The following AHCY variants were observed in gnomAD, a reference collection of about 807,000 sequenced individuals.
The protein encoded by AHCY is S-adenosyl-L-homocysteine hydrolase.
In AHCY, 24 loss-of-function variants were observed where a neutral mutation model predicts 45.4. The ratio of observed to expected loss-of-function variants is 0.53; its 90% confidence interval spans 0.38 to 0.74. The LOEUF is 0.74. Among genes scored for constraint, AHCY ranks in the 30% least tolerant of loss-of-function variants. AHCY has a pLI of 0.00. For synonymous variants in AHCY, 245 were observed against 235.1 expected (o/e 1.04, Z -0.39); for missense variants, 449 against 594.1 (o/e 0.76, Z 2.54).
At chr20:34,245,347 AAAAG>A in the AHCY span, among the ~76,000 whole-genome samples, 1 of 151,294 alleles carries the variant, frequency 6.6e-6, no homozygotes, top group Admixed American at 6.6e-5. Flanking sequence ...AAAAAAAAAA[AAAAG>A]AGAGAGAGAC....
the AHCY span, among the ~76,000 whole-genome samples, chr20:34,255,304 C>T: frequency 6.6e-6 from 1 of 152,124 alleles, no homozygotes; most frequent in Admixed American, 6.5e-5. Flanking sequence ...CTTAATCTTC[C>T]CCAAACTCCT....
chr20:34,262,086 C>T, the AHCY span, among the ~76,000 whole-genome samples: 4 of 151,758 alleles, frequency 2.6e-5, no homozygotes, highest in Non-Finnish European at 4.4e-5. Flanking sequence ...GTACTCCAGC[C>T]TGGGCAACAG....
chr20:34,262,507 C>T, the AHCY span, among the ~76,000 whole-genome samples: 1 of 152,190 alleles, frequency 6.6e-6, no homozygotes, highest in Non-Finnish European at 1.5e-5. Flanking sequence ...AAGGAAGGGG[C>T]ACCTGGGGTG....
chr20:34,279,622 T>C (rs1369318541), downstream of AHCY, among the ~76,000 whole-genome samples: 1 of 152,120 alleles, frequency 6.6e-6, no homozygotes, highest in Non-Finnish European at 1.5e-5. Context: ...ACGTAACTTA[T>C]GCAACTTAAA....
upstream of AHCY, among the ~76,000 whole-genome samples, chr20:34,308,134 C>T (rs758257208): frequency 1.3e-5 from 2 of 152,162 alleles, no homozygotes; most frequent in African/African-American, 2.4e-5. Flanking sequence ...TGATCTTGTT[C>T]TTTTTTATGC....
the AHCY span, among the ~76,000 whole-genome samples, chr20:34,264,735 G>A: frequency 1.3e-5 from 2 of 149,642 alleles, no homozygotes; most frequent in Non-Finnish European, 3.0e-5. Context: ...TCTTATAATC[G>A]ATCTCTACTT....
chr20:34,268,718 A>G, the AHCY span, among the ~76,000 whole-genome samples: 1 of 151,658 alleles, frequency 6.6e-6, no homozygotes, highest in African/African-American at 2.4e-5. Flanking sequence ...TGGCTGACAG[A>G]GTGAAACCCT....
In AHCY at chr20:34,280,881, T is replaced by A; in HGVS notation, c.*153A>T. On this transcript the variant is annotated 3_prime_UTR_variant, in exon 10 of 10. Transcript: ENST00000217426. ...GCCACATTTGGAACAGTATGACGGC[T>A]GCAGCAGAGGCCAAAAACTAAGTGA... 1.7e-6 allele frequency: 2 copies of A among 1,181,522 alleles called. No homozygotes were observed. Among genetic ancestry groups the A allele is most frequent in the Non-Finnish European group, 2.4e-6 (2 of 829,356 alleles). The allele number at this position is 1,181,522 out of a possible 1,614,324, so 73.2% of individuals were successfully genotyped here. A position where few individuals can be genotyped will look rare whatever the true frequency, so the allele number is the denominator to read the frequency against.
In AHCY at chr20:34,295,457, A is replaced by G. The variant is rs1414682584; in HGVS notation, c.157T>C (p.Cys53Arg). 6.2e-7 allele frequency: 1 copy of G among 1,614,188 alleles called. No homozygotes were observed. Among genetic ancestry groups the G allele is most frequent in the Non-Finnish European group, 8.5e-7 (1 of 1,180,044 alleles). ...GCCGTCTCCACGGTCATGTGCAGGC[A>G]GCCAGCGATGCGGGCGCCCTTCAGT... The part of the protein sequence containing the change: ...KPLKGARIAG[C>R]LHMTVETAVL... The change falls in exon 2 of 10, where the codon TGC (cysteine) becomes CGC (arginine). Residue 53 changes from cysteine (C) to arginine (R), a missense_variant. Transcript: ENST00000217426.
chr20:34,243,214 T>C, the AHCY span, among the ~76,000 whole-genome samples: 9 of 152,208 alleles, frequency 5.9e-5, no homozygotes, highest in Non-Finnish European at 1.2e-4. Context: ...TCAAGTCTTC[T>C]CTCAAGTTCT....
the AHCY span, among the ~76,000 whole-genome samples, chr20:34,247,491 G>A: frequency 6.6e-6 from 1 of 151,574 alleles, no homozygotes; most frequent in African/African-American, 2.4e-5. Context: ...GTAGAGACGA[G>A]GTTTCATCAT....
chr20:34,295,283 G>T, intron 2 of AHCY, 112 bp downstream of exon 2: 2 of 1,319,076 alleles, frequency 1.5e-6, no homozygotes, highest in Non-Finnish European at 2.1e-6. Flanking sequence ...ACCCCTCCAG[G>T]CCCGCGGTCA....
the AHCY span, among the ~76,000 whole-genome samples, chr20:34,243,938 G>A: frequency 1.3e-5 from 2 of 152,058 alleles, no homozygotes; most frequent in East Asian, 1.9e-4. Flanking sequence ...GGTGGCGGGC[G>A]CCTGTAGTCC....
At chr20:34,236,267 C>T in the AHCY span, among the ~76,000 whole-genome samples, 2 of 152,190 alleles carry the variant, frequency 1.3e-5, no homozygotes. Context: ...TGGCTGGGCG[C>T]AGTGGCTCAC....
chr20:34,307,221 T>C (rs2036904840), upstream of AHCY, among the ~76,000 whole-genome samples: 1 of 151,834 alleles, frequency 6.6e-6, no homozygotes, highest in Non-Finnish European at 1.5e-5. Flanking sequence ...CCTGAGTAGC[T>C]GGGATTACAG....
chr20:34,290,533 C>T lies in AHCY; in HGVS notation c.854+18G>A, dbSNP rs376666148. On this transcript the variant is annotated intron_variant, in intron 7 of 9. Transcript: ENST00000217426. This position sits in a 1 kb window ranked among gnomAD's most constrained non-coding sequence, Gnocchi z 4.5. ...GCCCTCCTCCCTCACTCCCCGGGAC[C>T]CCCCATCTGGCACCTACCGGCCAAG... 4.5e-5 allele frequency: 73 copies of T among 1,613,918 alleles called. No individual in the cohort carries two copies. Among genetic ancestry groups the T allele is most frequent in the Non-Finnish European group, 6.1e-5 (72 of 1,179,930 alleles).
At chr20:34,233,368 T>C in the AHCY span, among the ~76,000 whole-genome samples, 7 of 152,036 alleles carry the variant, frequency 4.6e-5, no homozygotes, top group East Asian at 1.4e-3. Context: ...AGGATGGTCT[T>C]GATCTCCTGA....
chr20:34,263,382 T>C, the AHCY span, among the ~76,000 whole-genome samples: 1 of 152,082 alleles, frequency 6.6e-6, no homozygotes, highest in Non-Finnish European at 1.5e-5. Context: ...CTGGCCAACA[T>C]GGTGAAACCC....
intron 1 of AHCY, chr20:34,301,814 C>T (rs200992766): frequency 2.0e-6 from 2 of 985,306 alleles, no homozygotes; most frequent in East Asian, 2.3e-4. Context: ...CTGGTAGCAA[C>T]TTGATGAACT....
Sources: gnomAD v4.1 joint callset for allele counts (sites outside exome capture counted in the v4.1 genomes callset) on GRCh38, gnomAD v4.1.1 for gene constraint, Gnocchi (gnomAD v3.1) non-coding constraint, MANE v1.5 for transcripts, NCBI Gene and HGNC (gene_info 2026-07-23, HGNC 2026-07-21) for gene names.